MTMR8: variants seen among roughly 807,000 people sequenced by gnomAD.
MTMR8 encodes myotubularin related protein 8.
MTMR8 carries 65 observed loss-of-function variants against 39.3 expected under a neutral mutation model. The observed-to-expected ratio is 1.65, with a 90% confidence interval of 1.35 to 2.03. The LOEUF (loss-of-function observed/expected upper bound fraction) is 2.03, where lower values mean the gene tolerates loss of function less well. MTMR8 is among the 30% of genes most tolerant of loss of function. The pLI is 0.00. For synonymous variants in MTMR8, 245 were observed against 185.2 expected (o/e 1.32, Z -2.62); for missense variants, 777 against 538.9 (o/e 1.44, Z -4.37).
At chrX:64,382,211 G>A (rs1924445916) in intron 1 of MTMR8, among the ~76,000 whole-genome samples, 1 of 111,662 alleles carries the variant, frequency 9.0e-6, no homozygotes, top group Non-Finnish European at 1.9e-5. Context: ...CCATTTTCAC[G>A]ATATTGATTC....
intron 12 of MTMR8, among the ~76,000 whole-genome samples, chrX:64,280,999 AAGGACCTCTTCAAGGAGAACT>A (rs2147130633): frequency 9.0e-6 from 1 of 111,221 alleles, no homozygotes; most frequent in Non-Finnish European, 1.9e-5. Context: ...AAGGGATGTG[AAGGACCTCTTCAAGGAGAACT>A]ATAAACCACT....
chrX:64,321,540 A>G (rs1199872816), intron 12 of MTMR8, among the ~76,000 whole-genome samples: 1 of 111,572 alleles, frequency 9.0e-6, no homozygotes. Context: ...TGTCTGTGAG[A>G]CAAAAAGAAA....
intron 1 of MTMR8, among the ~76,000 whole-genome samples, chrX:64,361,108 T>A (rs1430766674): frequency 2.7e-5 from 3 of 111,506 alleles, no homozygotes; most frequent in African/African-American, 9.7e-5. Flanking sequence ...ATTAAAACTA[T>A]CACTATTATG....
At chrX:64,310,494 A>G (rs1922262441) in intron 12 of MTMR8, among the ~76,000 whole-genome samples, 1 of 111,759 alleles carries the variant, frequency 8.9e-6, no homozygotes, top group Admixed American at 9.5e-5. Flanking sequence ...TAAATCATGA[A>G]TATTCTTTTT....
chrX:64,391,344 T>A (rs1924685677), intron 1 of MTMR8, among the ~76,000 whole-genome samples: 1 of 112,446 alleles, frequency 8.9e-6, no homozygotes, highest in African/African-American at 3.2e-5. Context: ...GACTAAATTA[T>A]CCTTGTCCTT....
chrX:64,274,013 C>G (rs1338314147), intron 12 of MTMR8, among the ~76,000 whole-genome samples: 1 of 111,681 alleles, frequency 9.0e-6, no homozygotes, highest in East Asian at 2.8e-4. Context: ...TAATAGATTA[C>G]TTCGATACTC....
intron 12 of MTMR8, among the ~76,000 whole-genome samples, chrX:64,310,867 A>G (rs1489692536): frequency 8.9e-6 from 1 of 112,087 alleles, no homozygotes. Context: ...TCCATGGTGT[A>G]TATGTGCCAC....
intron 2 of MTMR8, 81 bp from the exon 3 acceptor site, chrX:64,356,419 T>C (rs1825992990): frequency 3.3e-6 from 3 of 908,527 alleles, no homozygotes; most frequent in Non-Finnish European, 4.6e-6. Context: ...CTCTCCGTAA[T>C]GGTAACAGCA....
intron 12 of MTMR8, among the ~76,000 whole-genome samples, chrX:64,310,434 A>T (rs1922260245): frequency 9.0e-6 from 1 of 111,621 alleles, no homozygotes; most frequent in African/African-American, 3.3e-5. Flanking sequence ...GAGAGTTGGC[A>T]TCAACTCTTT....
chrX:64,303,353 T>A (rs928344187), intron 12 of MTMR8, among the ~76,000 whole-genome samples: 1 of 112,441 alleles, frequency 8.9e-6, no homozygotes, highest in Non-Finnish European at 1.9e-5. Context: ...TTTCTGCTGT[T>A]ACTAGTTTTA....
intron 12 of MTMR8, among the ~76,000 whole-genome samples, chrX:64,309,956 G>T (rs1018859179): frequency 8.9e-6 from 1 of 111,889 alleles, no homozygotes; most frequent in South Asian, 3.8e-4. Context: ...GCTGCTGACT[G>T]CTCAGGGTAC....
At chrX:64,310,592 C>G (rs1922265093) in intron 12 of MTMR8, among the ~76,000 whole-genome samples, 1 of 110,976 alleles carries the variant, frequency 9.0e-6, no homozygotes, top group African/African-American at 3.3e-5. Flanking sequence ...TGTTGGTTTG[C>G]TGCACCCATC....
chrX:64,295,364 A>G (rs1921539759), intron 12 of MTMR8, among the ~76,000 whole-genome samples: 1 of 111,651 alleles, frequency 9.0e-6, no homozygotes, highest in Admixed American at 9.6e-5. Context: ...AAACTGTAAA[A>G]TTCTTAGAAG....
chrX:64,303,801 G>T (rs1251233557), intron 12 of MTMR8, among the ~76,000 whole-genome samples: 1 of 112,062 alleles, frequency 8.9e-6, no homozygotes, highest in Non-Finnish European at 1.9e-5. Flanking sequence ...ATACAGCATG[G>T]TATTCTAACA....
At position 64,337,392 on chromosome X, in the gene MTMR8, G is replaced by T; in HGVS notation, c.977C>A (p.Ala326Glu). 8.3e-7 allele frequency: 1 copy of T among 1,207,363 alleles called. No individual in the cohort carries two copies. The highest frequency in any genetic ancestry group is 2.2e-5 in the Admixed American group (1 of 45,477). Residue 326 changes from alanine to glutamate, a missense_variant and splice_region_variant, in exon 9 of 14, where the codon GCA (alanine) becomes GAA (glutamate). Coordinates refer to ENST00000374852, the MANE Select transcript of MTMR8 (RefSeq NM_017677.4). ...IMDAGIFITK[A>E]VKVEKASVLV... ...GACACTGGCCTTTTCTACCTTCACT[G>T]CCTGTGAAGACAAGAGGCAAAAAAG...
chrX:64,337,328 T>C lies in MTMR8; in HGVS notation c.1041A>G (p.Gln347=). Residue 347 remains glutamine, a synonymous_variant, in exon 9 of 14, where the codon CAA becomes CAG. Coordinates refer to ENST00000374852, the MANE Select transcript of MTMR8 (RefSeq NM_017677.4). ...GGAGGATGCTAGCCACTGAGCAGAC[T>C]TGTGCTGTGCGGTCCCATCCATCAG... is the stretch of plus-strand genomic sequence containing the variant. The part of the protein sequence containing the change: ...HCSDGWDRTA[Q]VCSVASILLD... The C allele has an allele frequency of 8.3e-7, 1 of 1,210,114 alleles. No individual in the cohort carries two copies. The highest frequency in any genetic ancestry group is 1.1e-6 in the Non-Finnish European group (1 of 894,269).
At chrX:64,313,659 G>C (rs1322502107) in intron 12 of MTMR8, among the ~76,000 whole-genome samples, 1 of 112,232 alleles carries the variant, frequency 8.9e-6, no homozygotes, top group African/African-American at 3.2e-5. Context: ...CGTTTCACTT[G>C]AACACTTAAA....
At chrX:64,358,406 T>C (rs1923682688) in intron 2 of MTMR8, among the ~76,000 whole-genome samples, 1 of 112,364 alleles carries the variant, frequency 8.9e-6, no homozygotes, top group Non-Finnish European at 1.9e-5. Flanking sequence ...ATTCATTTTA[T>C]ACTTATATGA....
Position 64,297,525 on chromosome X carries a change from G to T in MTMR8, c.1482-26452C>A, listed in dbSNP as rs547897008. ...GGTTGCGAAAATTTTCTCCCATTTT[G>T]TAGGTTGCCTGTTCACTCTGATGGT... On this transcript the variant is annotated intron_variant, in intron 12 of 13. Transcript: ENST00000374852. 3.6e-4 allele frequency among the ~76,000 whole-genome samples: 31 copies of T among 86,883 alleles called. No homozygotes were observed. In the South Asian group the frequency reaches 0.022, roughly 63 times the overall value. The allele number at this position is 86,883 out of a possible 115,157, so 75.4% of individuals were successfully genotyped here. A position where few individuals can be genotyped will look rare whatever the true frequency, so the allele number is the denominator to read the frequency against.
Sources: gnomAD v4.1 joint callset for allele counts (sites outside exome capture counted in the v4.1 genomes callset) on GRCh38, gnomAD v4.1.1 for gene constraint, MANE v1.5 for transcripts, NCBI Gene and HGNC (gene_info 2026-07-23, HGNC 2026-07-21) for gene names.